CACNA1I: variants seen among roughly 807,000 people sequenced by gnomAD.
CACNA1I encodes voltage-dependent T-type calcium channel subunit alpha-1I.
In CACNA1I, 74 loss-of-function variants were observed where a neutral mutation model predicts 201.6. That is an observed-to-expected ratio of 0.37 (90% CI 0.30 to 0.45). The LOEUF (loss-of-function observed/expected upper bound fraction) is 0.45, where lower values mean the gene tolerates loss of function less well. Among genes scored for constraint, CACNA1I ranks in the 20% least tolerant of loss-of-function variants. The probability of loss-of-function intolerance (pLI) is 1.00; values close to 1 mark genes in which losing one functional copy is unlikely to be tolerated. For synonymous variants in CACNA1I, 1,431 were observed against 1,345.2 expected (o/e 1.06, Z -1.40); for missense variants, 2,346 against 3,138.1 (o/e 0.75, Z 6.03).
rs1935214740 is a variant in CACNA1I, at chr22:39,666,870, GCCCTC to G, written c.4104+866_4104+870del. On this transcript the variant is annotated intron_variant, in intron 23 of 36. Coordinates refer to ENST00000402142, the MANE Select transcript of CACNA1I (RefSeq NM_021096.4). This position sits in a 1 kb window ranked among gnomAD's most constrained non-coding sequence, Gnocchi z 4.1. ...AGGAACCAGGACAGTCACTACCCCT[GCCCTC>G]CTGGGGAAAAGATGTCTTAGGAAGT... 6.6e-6 allele frequency among the ~76,000 whole-genome samples: 1 copy of G among 152,304 alleles called. No individual in the cohort carries two copies. Among genetic ancestry groups the G allele is most frequent in the Non-Finnish European group, 1.5e-5 (1 of 68,008 alleles).
intron 4 of CACNA1I, among the ~76,000 whole-genome samples, chr22:39,633,382 A>T (rs1025768774): frequency 6.6e-6 from 1 of 152,118 alleles, no homozygotes; most frequent in Non-Finnish European, 1.5e-5. Flanking sequence ...TATGGATGGA[A>T]CCTCCTAGGT....
chr22:39,682,402 G>GTTA, intron 34 of CACNA1I, 94 bp from the exon 35 acceptor site: 2 of 1,063,510 alleles, frequency 1.9e-6, no homozygotes, highest in Non-Finnish European at 2.8e-6. Flanking sequence ...GGGTAGCCTA[G>GTTA]TTAAGCAAGG....
At chr22:39,595,069 C>T (rs1250468235) in intron 1 of CACNA1I, among the ~76,000 whole-genome samples, 1 of 152,016 alleles carries the variant, frequency 6.6e-6, no homozygotes, top group East Asian at 1.9e-4. Context: ...GCAGGCGGAT[C>T]ACAAAGTCAG....
At chr22:39,611,914 G>A (rs1272468433) in intron 3 of CACNA1I, among the ~76,000 whole-genome samples, 1 of 152,152 alleles carries the variant, frequency 6.6e-6, no homozygotes, top group Non-Finnish European at 1.5e-5. Flanking sequence ...GCCTGAGTTG[G>A]TTTCAGAGCG....
At chr22:39,615,771 G>A (rs896207165) in intron 3 of CACNA1I, among the ~76,000 whole-genome samples, 4 of 152,186 alleles carry the variant, frequency 2.6e-5, no homozygotes, top group African/African-American at 4.8e-5. Flanking sequence ...GGCAGGAGAT[G>A]CGGCCACCGC....
intron 8 of CACNA1I, among the ~76,000 whole-genome samples, chr22:39,647,171 C>A (rs935649517): frequency 6.6e-6 from 1 of 152,208 alleles, no homozygotes; most frequent in Non-Finnish European, 1.5e-5. Context: ...TCGGAGGAAG[C>A]CACACTTGAG....
intron 1 of CACNA1I, among the ~76,000 whole-genome samples, chr22:39,580,292 T>C (rs1932506021): frequency 6.6e-6 from 1 of 152,196 alleles, no homozygotes; most frequent in Non-Finnish European, 1.5e-5. Flanking sequence ...TGGAGAAAGT[T>C]GTTTTTCTCA....
chr22:39,686,189 G>C lies in CACNA1I; in HGVS notation c.6456G>C (p.Lys2152Asn). Residue 2152 changes from lysine to asparagine, a missense_variant, in exon 37 of 37, where the codon AAG becomes AAC. Around this residue, in one of 13 missense-constraint regions of CACNA1I, gnomAD observed 187 missense variants for 151.0 expected, o/e 1.24. Transcript: ENST00000402142. ...PPAPGLTPARKFSSTSSLAAP... is the reference protein window; with the variant it reads ...PPAPGLTPARNFSSTSSLAAP... ...CCCCCGGCCTCACGCCCGCCAGGAA[G>C]TTCAGCAGCACCAGCAGCCTGGCCG... 1 of 1,283,128 alleles carries C rather than the reference G, an allele frequency of 7.8e-7. No homozygotes were observed. Among genetic ancestry groups the C allele is most frequent in the Non-Finnish European group, 9.9e-7 (1 of 1,015,216 alleles). The allele number at this position is 1,283,128 out of a possible 1,614,324, so 79.5% of individuals were successfully genotyped here. A position where few individuals can be genotyped will look rare whatever the true frequency, so the allele number is the denominator to read the frequency against.
chr22:39,643,901 CAGTG>C (rs1176603767), intron 7 of CACNA1I, among the ~76,000 whole-genome samples: 6 of 152,264 alleles, frequency 3.9e-5, no homozygotes, highest in Non-Finnish European at 8.8e-5. Flanking sequence ...AGGAACAGAG[CAGTG>C]AGTAAGGCCC....
chr22:39,682,469 C>T (rs1172856436), intron 34 of CACNA1I, 27 bp from the exon 35 acceptor site: 9 of 1,607,676 alleles, frequency 5.6e-6, no homozygotes, highest in Non-Finnish European at 7.7e-6. Flanking sequence ...CCCAGTCCTG[C>T]CCCATCCTAC....
chr22:39,598,096 C>A, intron 1 of CACNA1I, 55 bp from the exon 2 acceptor site: 2 of 1,074,560 alleles, frequency 1.9e-6, no homozygotes, highest in Non-Finnish European at 2.8e-6. Flanking sequence ...CTAGGGTGCA[C>A]CCCAGCCCCC....
intron 3 of CACNA1I, among the ~76,000 whole-genome samples, chr22:39,603,477 T>C (rs1291948593): frequency 1.3e-5 from 2 of 152,186 alleles, no homozygotes; most frequent in African/African-American, 4.8e-5. Context: ...TTGGATTTCT[T>C]GTTTTTCAGA....
At chr22:39,585,482 C>T (rs1321373989) in intron 1 of CACNA1I, among the ~76,000 whole-genome samples, 5 of 138,508 alleles carry the variant, frequency 3.6e-5, no homozygotes, top group South Asian at 2.3e-4. Context: ...CTCTTCCTCC[C>T]GATTTTAAGC....
intron 3 of CACNA1I, among the ~76,000 whole-genome samples, chr22:39,617,327 G>T (rs1933569174): frequency 6.6e-6 from 1 of 152,342 alleles, no homozygotes; most frequent in East Asian, 1.9e-4. Context: ...TCTGGTGTGG[G>T]CTGGGAGCCC....
At chr22:39,634,370 C>T (rs1934148450) in intron 4 of CACNA1I, among the ~76,000 whole-genome samples, 195 bp from the exon 5 acceptor site, 1 of 152,156 alleles carries the variant, frequency 6.6e-6, no homozygotes, top group Non-Finnish European at 1.5e-5. Flanking sequence ...GAGCCATTTC[C>T]ATGGCTTTTT....
At chr22:39,628,066 C>T (rs1933948852) in intron 4 of CACNA1I, among the ~76,000 whole-genome samples, 1 of 152,072 alleles carries the variant, frequency 6.6e-6, no homozygotes, top group Admixed American at 6.5e-5. Flanking sequence ...AAAGGCAGTG[C>T]CTCCCTCTCC....
At chr22:39,618,475 G>A (rs1296344382) in intron 3 of CACNA1I, among the ~76,000 whole-genome samples, 5 of 152,110 alleles carry the variant, frequency 3.3e-5, no homozygotes, top group Non-Finnish European at 7.4e-5. Context: ...GTATGGAAGT[G>A]TGTGTGCATG....
At chr22:39,672,860 G>A in intron 27 of CACNA1I, 89 bp from the exon 28 acceptor site, 2 of 1,424,784 alleles carry the variant, frequency 1.4e-6, no homozygotes, top group Non-Finnish European at 1.9e-6. Flanking sequence ...GAAGGGTCAG[G>A]ACCTGGGAGG....
chr22:39,641,155 C>T lies in CACNA1I; in HGVS notation c.1029C>T (p.Ile343=), dbSNP rs374861150. 35 of 1,613,616 alleles carry T rather than the reference C, an allele frequency of 2.2e-5. No homozygotes were observed. Among genetic ancestry groups the T allele is most frequent in the African/African-American group, 1.1e-4 (8 of 75,062 alleles). ...AGGGTGCCATCAACTTTGACAACAT[C>T]GGTTATGCTTGGATTGTCATCTTCC... The part of the protein sequence containing the change: ...PHKGAINFDN[I]GYAWIVIFQV... Residue 343 remains isoleucine (I), a synonymous_variant, in exon 6 of 37, where the codon ATC becomes ATT. Transcript: ENST00000402142.
Sources: gnomAD v4.1 joint callset for allele counts (sites outside exome capture counted in the v4.1 genomes callset) on GRCh38, gnomAD v4.1.1 for gene constraint, gnomAD v4.1.1 regional missense constraint, Gnocchi (gnomAD v3.1) non-coding constraint, MANE v1.5 for transcripts, NCBI Gene and HGNC (gene_info 2026-07-23, HGNC 2026-07-21) for gene names.